The following SEMA3C variants were observed in gnomAD, a reference collection of about 807,000 sequenced individuals.
SEMA3C encodes semaphorin-3C.
Under a neutral mutation model 89.4 loss-of-function variants are expected in SEMA3C, and 47 were observed. That is an observed-to-expected ratio of 0.53 (90% CI 0.42 to 0.67). The LOEUF (loss-of-function observed/expected upper bound fraction) is 0.67, where lower values mean the gene tolerates loss of function less well. Among genes scored for constraint, SEMA3C ranks in the 30% least tolerant of loss-of-function variants. The probability of loss-of-function intolerance (pLI) is 0.00; values close to 1 mark genes in which losing one functional copy is unlikely to be tolerated. For missense variants in SEMA3C, 839 were observed against 929.1 expected (o/e 0.90, Z 1.26); for synonymous variants, 310 against 320.2 (o/e 0.97, Z 0.34).
At chr7:80,840,127 A>G (rs2115872621) in intron 2 of SEMA3C, among the ~76,000 whole-genome samples, 1 of 152,226 alleles carries the variant, frequency 6.6e-6, no homozygotes, top group Middle Eastern at 3.4e-3. Flanking sequence ...CACAGCCCAC[A>G]GCTCTCTATG....
chr7:80,883,174 C>T (rs976083866), intron 2 of SEMA3C, among the ~76,000 whole-genome samples: 1 of 152,076 alleles, frequency 6.6e-6, no homozygotes, highest in Non-Finnish European at 1.5e-5. Flanking sequence ...TTTTTTTATA[C>T]TTAGCAATGA....
intron 2 of SEMA3C, among the ~76,000 whole-genome samples, chr7:80,896,062 T>C (rs968960447): frequency 2.0e-5 from 3 of 152,122 alleles, no homozygotes; most frequent in African/African-American, 7.2e-5. Flanking sequence ...CAATTGTACT[T>C]AGTAATATCC....
intron 5 of SEMA3C, among the ~76,000 whole-genome samples, chr7:80,813,521 C>T (rs570690132): frequency 1.9e-4 from 29 of 152,272 alleles, no homozygotes; most frequent in Admixed American, 1.7e-3. Flanking sequence ...CTCCTCACTA[C>T]TAAACACACA....
intron 5 of SEMA3C, chr7:80,816,204 G>T (rs1789603740): frequency 6.6e-6 from 1 of 152,242 alleles, no homozygotes; most frequent in African/African-American, 2.4e-5. Flanking sequence ...CAAACACGAA[G>T]TAGGCTCATC....
chr7:80,911,620 T>G (rs914355086), intron 2 of SEMA3C, among the ~76,000 whole-genome samples: 189 of 151,910 alleles, frequency 1.2e-3, no homozygotes, highest in Middle Eastern at 3.4e-3. Context: ...TAGGACCTTT[T>G]TTTTTTTTTT....
intron 12 of SEMA3C, among the ~76,000 whole-genome samples, chr7:80,768,004 A>G (rs1407232400): frequency 6.6e-6 from 1 of 152,248 alleles, no homozygotes; most frequent in Non-Finnish European, 1.5e-5. Context: ...TATACAAAAG[A>G]GCAAGACAGA....
intron 12 of SEMA3C, among the ~76,000 whole-genome samples, chr7:80,776,000 C>T (rs1284912880): frequency 2.0e-5 from 3 of 151,882 alleles, no homozygotes; most frequent in Non-Finnish European, 4.4e-5. Flanking sequence ...CCTGTTTTTA[C>T]TAAAATGATG....
chr7:80,749,627 A>T (rs547436546), intron 16 of SEMA3C, among the ~76,000 whole-genome samples: 3 of 152,204 alleles, frequency 2.0e-5, no homozygotes, highest in African/African-American at 7.2e-5. Flanking sequence ...CAGACAAGTT[A>T]CTTGATGTCT....
At chr7:80,803,302 T>C (rs762468791) in intron 8 of SEMA3C, among the ~76,000 whole-genome samples, 2 of 152,164 alleles carry the variant, frequency 1.3e-5, no homozygotes, top group Non-Finnish European at 1.5e-5. Context: ...TAAGGAGAAA[T>C]GGCATTTGGA....
intron 2 of SEMA3C, among the ~76,000 whole-genome samples, chr7:80,876,133 T>C (rs948444415): frequency 6.6e-6 from 1 of 152,134 alleles, no homozygotes; most frequent in African/African-American, 2.4e-5. Flanking sequence ...CTGGGGGTCT[T>C]TGGAACACAT....
At chr7:80,851,504 T>TAAAAAA (rs35936052) in intron 2 of SEMA3C, among the ~76,000 whole-genome samples, 39 of 69,800 alleles carry the variant, frequency 5.6e-4, no homozygotes, top group African/African-American at 1.9e-3. Flanking sequence ...CTCTTGTCTT[T>TAAAAAA]AAAAAAAAAA....
upstream of SEMA3C, among the ~76,000 whole-genome samples, chr7:80,920,715 T>G (rs138955318): frequency 0.012 from 1,880 of 152,348 alleles, 13 homozygotes; most frequent in Middle Eastern, 0.024. Context: ...TGATGATGCG[T>G]GAGAAGATCC....
intron 2 of SEMA3C, among the ~76,000 whole-genome samples, chr7:80,884,749 A>T (rs1791433121): frequency 6.6e-6 from 1 of 152,248 alleles, no homozygotes; most frequent in Non-Finnish European, 1.5e-5. Flanking sequence ...GTTTCTTTGT[A>T]GAAGAATTTC....
At chr7:80,820,561 A>G in intron 4 of SEMA3C, among the ~76,000 whole-genome samples, 1 of 152,164 alleles carries the variant, frequency 6.6e-6, no homozygotes, top group East Asian at 1.9e-4. Context: ...TTTCTATGAT[A>G]GATTTTTATT....
At chr7:80,846,313 C>T (rs1790388766) in intron 2 of SEMA3C, among the ~76,000 whole-genome samples, 3 of 152,132 alleles carry the variant, frequency 2.0e-5, no homozygotes, top group Non-Finnish European at 4.4e-5. Context: ...CATATTCATA[C>T]TAGTCTGCTG....
At chr7:80,881,690 A>T (rs1226268059) in intron 2 of SEMA3C, among the ~76,000 whole-genome samples, 1 of 152,234 alleles carries the variant, frequency 6.6e-6, no homozygotes, top group African/African-American at 2.4e-5. Flanking sequence ...GCTTCATAGC[A>T]GCAGCAGCAA....
At chr7:80,888,240 C>T (rs1245661552) in intron 2 of SEMA3C, among the ~76,000 whole-genome samples, 9 of 151,816 alleles carry the variant, frequency 5.9e-5, no homozygotes, top group Admixed American at 5.9e-4. Context: ...TGGCAAAACC[C>T]CATCTCTACA....
chr7:80,833,620 A>G (rs1434183706), intron 2 of SEMA3C, among the ~76,000 whole-genome samples: 8 of 152,262 alleles, frequency 5.3e-5, no homozygotes. Flanking sequence ...TTAATTACCT[A>G]TGGCTTACTG....
chr7:80,790,047 G>A (rs1370546762), intron 11 of SEMA3C, among the ~76,000 whole-genome samples: 2 of 152,260 alleles, frequency 1.3e-5, no homozygotes, highest in Non-Finnish European at 2.9e-5. Flanking sequence ...CACTTTGGGA[G>A]GCTGAGATGA....
Sources: gnomAD v4.1 joint callset for allele counts (sites outside exome capture counted in the v4.1 genomes callset) on GRCh38, gnomAD v4.1.1 for gene constraint, MANE v1.5 for transcripts, NCBI Gene and HGNC (gene_info 2026-07-23, HGNC 2026-07-21) for gene names.